The following CNTNAP2 variants were observed in gnomAD, a reference collection of about 807,000 sequenced individuals.
CNTNAP2 encodes contactin-associated protein-like 2.
A neutral mutation model predicts 155.2 loss-of-function variants in CNTNAP2; 98 were observed. The ratio of observed to expected loss-of-function variants is 0.63; its 90% CI spans 0.54 to 0.75. The LOEUF is 0.75. Among genes scored for constraint, CNTNAP2 ranks in the 30% least tolerant of loss-of-function variants. CNTNAP2 has a pLI of 0.00. For synonymous variants in CNTNAP2, 651 were observed against 631.2 expected (o/e 1.03, Z -0.47); for missense variants, 1,727 against 1,688.1 (o/e 1.02, Z -0.40).
At chr7:147,387,047 C>T (rs539046452) in intron 9 of CNTNAP2, among the ~76,000 whole-genome samples, 3 of 152,140 alleles carry the variant, frequency 2.0e-5, no homozygotes, top group South Asian at 2.1e-4. Context: ...CATCAGATCT[C>T]GTGAGACGTA....
intron 15 of CNTNAP2, among the ~76,000 whole-genome samples, chr7:148,107,400 A>G (rs1804246665): frequency 6.6e-6 from 1 of 152,178 alleles, no homozygotes; most frequent in South Asian, 2.1e-4. Flanking sequence ...CTCCTCCCGC[A>G]AACTTGTCCT....
intron 1 of CNTNAP2, among the ~76,000 whole-genome samples, chr7:146,358,042 A>ATTTT (rs1795026334): frequency 6.8e-6 from 1 of 147,070 alleles, no homozygotes; most frequent in African/African-American, 2.7e-5. Context: ...TTATTTATTT[A>ATTTT]TTTATTTTTT....
intron 15 of CNTNAP2, among the ~76,000 whole-genome samples, chr7:148,034,990 T>C (rs906664105): frequency 3.9e-5 from 6 of 152,180 alleles, no homozygotes; most frequent in African/African-American, 1.4e-4. Flanking sequence ...CCCTAGGGCT[T>C]TATGGAAGGC....
At position 147,522,418 on chromosome 7, in the gene CNTNAP2, T is replaced by C. The variant is rs532177142; in HGVS notation, c.1777+36377T>C. Among the ~76,000 whole-genome samples, 103 of 152,290 alleles carry C rather than the reference T, an allele frequency of 6.8e-4. 1 individual carries two copies. The highest frequency in any genetic ancestry group is 2.3e-3 in the African/African-American group (97 of 41,556). On this transcript the variant is annotated intron_variant, in intron 11 of 23. Coordinates refer to ENST00000361727, the MANE Select transcript of CNTNAP2 (RefSeq NM_014141.6). The stretch of plus-strand genomic sequence containing the variant: ...CAGAAAATGAATGAATTAAAGTATC[T>C]ACCAATAATATTTTAGAAAAAAAAC...
At chr7:146,407,922 T>C (rs576714842) in intron 1 of CNTNAP2, among the ~76,000 whole-genome samples, 10 of 152,212 alleles carry the variant, frequency 6.6e-5, no homozygotes, top group Non-Finnish European at 1.3e-4. Flanking sequence ...TCTTATTTTC[T>C]TAATAATATT....
At chr7:147,097,485 T>C (rs1800563887) in intron 4 of CNTNAP2, 1 of 152,200 alleles carries the variant, frequency 6.6e-6, no homozygotes, top group Non-Finnish European at 1.5e-5. Flanking sequence ...GGAGGGGACC[T>C]TGAACATGGC....
chr7:146,783,848 C>T (rs1413893426), intron 2 of CNTNAP2, among the ~76,000 whole-genome samples: 1 of 152,152 alleles, frequency 6.6e-6, no homozygotes, highest in East Asian at 1.9e-4. Context: ...AATCACAGAT[C>T]GTCTTTATCA....
chr7:148,104,209 G>C (rs75389234), intron 15 of CNTNAP2, among the ~76,000 whole-genome samples: 3 of 152,078 alleles, frequency 2.0e-5, no homozygotes, highest in Non-Finnish European at 4.4e-5. Flanking sequence ...GGAAAATCAT[G>C]GTTCTATTAA....
intron 4 of CNTNAP2, among the ~76,000 whole-genome samples, chr7:147,102,193 A>G (rs1209745371): frequency 2.6e-5 from 4 of 151,278 alleles, no homozygotes; most frequent in Non-Finnish European, 5.9e-5. Flanking sequence ...TTGCACCTCA[A>G]ATGAACTCAT....
At chr7:147,867,531 C>A (rs756894737) in intron 13 of CNTNAP2, among the ~76,000 whole-genome samples, 4 of 152,074 alleles carry the variant, frequency 2.6e-5, no homozygotes, top group Admixed American at 1.3e-4. Flanking sequence ...TGGATAATAT[C>A]CTGAAGAGTG....
intron 1 of CNTNAP2, among the ~76,000 whole-genome samples, chr7:146,598,567 A>G (rs1010347102): frequency 4.6e-5 from 7 of 152,006 alleles, no homozygotes; most frequent in South Asian, 2.1e-4. Flanking sequence ...CACATTCCTC[A>G]TTTATGGACC....
chr7:148,286,295 T>C (rs145821197), intron 21 of CNTNAP2, among the ~76,000 whole-genome samples: 3 of 152,332 alleles, frequency 2.0e-5, no homozygotes, highest in East Asian at 3.9e-4. Context: ...TTCTCTCCTC[T>C]TTCCTTTTCC....
chr7:148,266,832 T>C (rs1355980437), intron 20 of CNTNAP2, among the ~76,000 whole-genome samples: 3 of 152,138 alleles, frequency 2.0e-5, no homozygotes, highest in East Asian at 3.9e-4. Context: ...TCACTTACCA[T>C]CCTCAGATTT....
chr7:147,079,159 T>C (rs958112884), intron 4 of CNTNAP2, among the ~76,000 whole-genome samples: 1 of 152,184 alleles, frequency 6.6e-6, no homozygotes, highest in African/African-American at 2.4e-5. Flanking sequence ...GTTATAAAGA[T>C]TTTACGCATT....
chr7:147,121,012 C>A lies in CNTNAP2; in HGVS notation c.788C>A (p.Thr263Lys). The A allele has an allele frequency of 6.2e-7, 1 of 1,613,904 alleles. No homozygotes were observed. Among genetic ancestry groups the A allele is most frequent in the Non-Finnish European group, 8.5e-7 (1 of 1,179,984 alleles). The part of the protein sequence containing the change: ...SNQLGPIYGH[T>K]SVMTGSLLDD... Reference sequence around the variant, plus strand: ...CAGCTTGGCCCCATATATGGCCACACATCAGTGATGACAGGAAGTTTGCTG... The same window carrying A: ...CAGCTTGGCCCCATATATGGCCACAAATCAGTGATGACAGGAAGTTTGCTG... Residue 263 changes from threonine to lysine, a missense_variant, in exon 6 of 24, where the codon ACA becomes AAA. Coordinates refer to ENST00000361727, the MANE Select transcript of CNTNAP2 (RefSeq NM_014141.6).
chr7:146,697,493 C>T (rs1800802256), intron 1 of CNTNAP2, among the ~76,000 whole-genome samples: 1 of 152,202 alleles, frequency 6.6e-6, no homozygotes, highest in Admixed American at 6.5e-5. Context: ...CCCTTCTCAG[C>T]CTCCCAAAGT....
intron 13 of CNTNAP2, among the ~76,000 whole-genome samples, chr7:147,758,670 C>T (rs1335311200): frequency 2.0e-5 from 3 of 151,982 alleles, no homozygotes; most frequent in Non-Finnish European, 4.4e-5. Flanking sequence ...ATGGTGAAAC[C>T]CCATCTCTAC....
chr7:147,802,460 G>T (rs377127034), intron 13 of CNTNAP2, among the ~76,000 whole-genome samples: 4,721 of 151,980 alleles, frequency 0.031, 124 homozygotes, highest in Non-Finnish European at 0.05. Context: ...GCCGAGATCA[G>T]GCCACTGCAC....
intron 13 of CNTNAP2, among the ~76,000 whole-genome samples, chr7:147,829,186 G>A (rs1798509630): frequency 6.6e-6 from 1 of 152,064 alleles, no homozygotes; most frequent in South Asian, 2.1e-4. Flanking sequence ...TCTACCAACT[G>A]GATATGAAAT....
Sources: gnomAD v4.1 joint callset for allele counts (sites outside exome capture counted in the v4.1 genomes callset) on GRCh38, gnomAD v4.1.1 for gene constraint, MANE v1.5 for transcripts, NCBI Gene and HGNC (gene_info 2026-07-23, HGNC 2026-07-21) for gene names.